SMOC1: variants seen among roughly 807,000 people sequenced by gnomAD.
SMOC1 encodes the protein SPARC-related modular calcium-binding protein 1.
SMOC1 carries 22 observed loss-of-function variants against 56.3 expected under a neutral mutation model. The ratio of observed to expected loss-of-function variants is 0.39; its 90% CI spans 0.28 to 0.56. The LOEUF (loss-of-function observed/expected upper bound fraction) is 0.56, where lower values mean the gene tolerates loss of function less well. SMOC1 is among the 20% of genes least tolerant of loss of function. The pLI is 0.61. For synonymous variants in SMOC1, 193 were observed against 215.0 expected (o/e 0.90, Z 0.89); for missense variants, 509 against 565.4 (o/e 0.90, Z 1.01).
chr14:69,907,963 C>T (rs187409893), intron 1 of SMOC1, among the ~76,000 whole-genome samples: 1 of 152,304 alleles, frequency 6.6e-6, no homozygotes, highest in East Asian at 1.9e-4. Flanking sequence ...CTAATCACCT[C>T]CCAAAGGCCT....
intron 1 of SMOC1, among the ~76,000 whole-genome samples, chr14:69,943,059 T>C (rs227394): frequency 0.73 from 110,250 of 151,696 alleles, 41,724 homozygotes; most frequent in African/African-American, 0.92. Flanking sequence ...GTGAAGTGAC[T>C]GCTAAATTCC....
At chr14:70,023,582 C>T in intron 11 of SMOC1, 135 bp downstream of exon 11, 1 of 1,301,196 alleles carries the variant, frequency 7.7e-7, no homozygotes, top group Admixed American at 1.7e-5. Context: ...TGCTATGCTT[C>T]ATGCTAGATG....
chr14:69,967,397 C>T (rs993614945), intron 3 of SMOC1, among the ~76,000 whole-genome samples: 3 of 152,270 alleles, frequency 2.0e-5, no homozygotes, highest in African/African-American at 7.2e-5. Context: ...CCGCAGGCCA[C>T]ATGCTGCCCA....
intron 1 of SMOC1, among the ~76,000 whole-genome samples, chr14:69,930,995 A>G (rs560651860): frequency 4.7e-4 from 71 of 152,134 alleles, no homozygotes; most frequent in African/African-American, 1.7e-3. Context: ...TTAACTGTCC[A>G]TTTTGCATTT....
At chr14:69,970,607 G>T (rs2139488091) in intron 3 of SMOC1, among the ~76,000 whole-genome samples, 1 of 152,362 alleles carries the variant, frequency 6.6e-6, no homozygotes, top group East Asian at 1.9e-4. Context: ...AAGCCATCAT[G>T]AAAGTGGAAG....
chr14:70,030,127 T>C, intron 11 of SMOC1, 115 bp from the exon 12 acceptor site: 3 of 1,509,842 alleles, frequency 2.0e-6, no homozygotes, highest in Non-Finnish European at 2.7e-6. Context: ...AGGCTGCACT[T>C]GTGGGGAAAT....
chr14:69,926,253 G>A (rs2139380714), intron 1 of SMOC1, among the ~76,000 whole-genome samples: 1 of 152,318 alleles, frequency 6.6e-6, no homozygotes, highest in East Asian at 1.9e-4. Flanking sequence ...TCTCTGAATT[G>A]TGTTCCGATT....
chr14:69,945,397 G>A (rs1318109011), intron 1 of SMOC1, among the ~76,000 whole-genome samples: 7 of 152,112 alleles, frequency 4.6e-5, no homozygotes, highest in Admixed American at 4.6e-4. Flanking sequence ...GGTAGGGATG[G>A]GGGCAGAAGT....
chr14:69,885,918 T>G, intron 1 of SMOC1: 1 of 1,599,426 alleles, frequency 6.3e-7, no homozygotes, highest in Non-Finnish European at 8.5e-7. Flanking sequence ...GGAGGCACTT[T>G]CAGCCGCTTA....
intron 1 of SMOC1, among the ~76,000 whole-genome samples, chr14:69,901,410 A>G (rs1316352699): frequency 1.3e-5 from 2 of 152,196 alleles, no homozygotes; most frequent in East Asian, 1.9e-4. Flanking sequence ...TGGGGATGGA[A>G]CTATCTGAGG....
chr14:70,023,408 C>T lies in SMOC1; in HGVS notation c.1252C>T (p.Leu418=). The T allele has an allele frequency of 3.1e-6, 5 of 1,614,050 alleles. No homozygotes were observed. The highest frequency in any genetic ancestry group is 4.2e-6 in the Non-Finnish European group (5 of 1,180,038). Residue 418 remains leucine, a synonymous_variant, in exon 11 of 12, where the codon CTG becomes TTG. Transcript: ENST00000361956. ...CDLNKDKVIS[L]PELKGCLGVS... ...CCTGAACAAAGACAAGGTCATTTCA[C>T]TGCCTGAGCTGAAGGGCTGCCTGGG...
chr14:69,885,490 C>A, intron 1 of SMOC1: 1 of 1,600,424 alleles, frequency 6.2e-7, no homozygotes. Context: ...CTTCCACCAG[C>A]TTAGCCAAAG....
chr14:69,888,156 G>A (rs1432568800), intron 1 of SMOC1, among the ~76,000 whole-genome samples: 1 of 152,142 alleles, frequency 6.6e-6, no homozygotes, highest in African/African-American at 2.4e-5. Context: ...GGAGCTGCTT[G>A]TGAGGCCGCC....
At chr14:69,885,290 T>C (rs1416265044) in intron 1 of SMOC1, 9 of 979,724 alleles carry the variant, frequency 9.2e-6, no homozygotes, top group African/African-American at 1.7e-5. Flanking sequence ...TTAAGGAAAA[T>C]TTGTATTATT....
intron 11 of SMOC1, among the ~76,000 whole-genome samples, chr14:70,025,710 G>A: frequency 6.6e-6 from 1 of 152,204 alleles, no homozygotes; most frequent in Non-Finnish European, 1.5e-5. Flanking sequence ...AATCCGATAT[G>A]CTCCAGTGAG....
chr14:69,939,423 AC>A (rs1378885257), intron 1 of SMOC1, among the ~76,000 whole-genome samples: 12 of 152,128 alleles, frequency 7.9e-5, no homozygotes, highest in African/African-American at 2.9e-4. Flanking sequence ...GGTCCCTCCT[AC>A]CACATGTGGG....
chr14:70,023,400 T>C lies in SMOC1; in HGVS notation c.1244T>C (p.Val415Ala), dbSNP rs1473200296. 2 of 1,613,958 alleles carry C rather than the reference T, an allele frequency of 1.2e-6. No individual in the cohort carries two copies. Among genetic ancestry groups the C allele is most frequent in the Admixed American group, 3.3e-5 (2 of 60,008 alleles). ...TDYCDLNKDK[V>A]ISLPELKGCL... ...TACTGTGACCTGAACAAAGACAAGGTCATTTCACTGCCTGAGCTGAAGGGC... is the reference window on the plus strand; with the variant it reads ...TACTGTGACCTGAACAAAGACAAGGCCATTTCACTGCCTGAGCTGAAGGGC... The change falls in exon 11 of 12, where the codon GTC becomes GCC. Residue 415 changes from valine (V) to alanine (A), a missense_variant. Physicochemically the swap from Val to Ala is moderately conservative, Grantham distance 64. Coordinates refer to ENST00000361956, the MANE Select transcript of SMOC1 (RefSeq NM_001034852.3).
intron 1 of SMOC1, among the ~76,000 whole-genome samples, chr14:69,894,019 G>T (rs1353793694): frequency 6.6e-6 from 1 of 152,174 alleles, no homozygotes; most frequent in Non-Finnish European, 1.5e-5. Context: ...GACCAACCCT[G>T]CCAGCATCTT....
At chr14:69,996,780 C>T (rs746397271) in intron 7 of SMOC1, among the ~76,000 whole-genome samples, 25 of 152,234 alleles carry the variant, frequency 1.6e-4, no homozygotes, top group Non-Finnish European at 3.2e-4. Context: ...ACTTAGGAAT[C>T]TCCTACTCAA....
Sources: allele counts gnomAD v4.1 joint callset (sites outside exome capture counted in the v4.1 genomes callset), GRCh38; gene constraint gnomAD v4.1.1; transcripts MANE v1.5; gene names NCBI Gene and HGNC (gene_info 2026-07-23, HGNC 2026-07-21).